The following AGMO variants were observed in gnomAD, a reference collection of about 807,000 sequenced individuals.
AGMO encodes glyceryl-ether monooxygenase.
AGMO carries 75 observed loss-of-function variants against 60.2 expected under a neutral mutation model. That is an observed-to-expected ratio of 1.25 (90% CI 1.03 to 1.51). AGMO has a LOEUF of 1.51. Among genes scored for constraint, AGMO ranks in the 40% most tolerant of loss-of-function variants. The pLI, the probability that AGMO is intolerant of heterozygous loss-of-function variation, is 0.00. For missense variants in AGMO, 763 were observed against 525.5 expected, an observed-to-expected ratio of 1.45 and a Z score of -4.42; for synonymous variants, 261 against 177.1, an observed-to-expected ratio of 1.47 and a Z score of -3.76.
the AGMO span, among the ~76,000 whole-genome samples, chr7:15,177,918 T>G: frequency 6.6e-6 from 1 of 152,160 alleles, no homozygotes; most frequent in South Asian, 2.1e-4. Context: ...CCACCATATG[T>G]CTCTCAATAA....
intron 12 of AGMO, among the ~76,000 whole-genome samples, chr7:15,246,421 G>T (rs1269618285): frequency 6.6e-6 from 1 of 152,010 alleles, no homozygotes; most frequent in Non-Finnish European, 1.5e-5. Context: ...CTCTGATAAG[G>T]TAGATTTTTT....
chr7:15,287,859 C>A (rs895979949), intron 12 of AGMO, among the ~76,000 whole-genome samples: 2 of 151,992 alleles, frequency 1.3e-5, no homozygotes, highest in African/African-American at 4.8e-5. Flanking sequence ...GAATTTTCTC[C>A]AGAATTCTAA....
chr7:15,470,787 T>C (rs1782433593), intron 3 of AGMO, among the ~76,000 whole-genome samples: 1 of 152,056 alleles, frequency 6.6e-6, no homozygotes, highest in Admixed American at 6.6e-5. Flanking sequence ...TAAATTTCAC[T>C]GTTCTTTGTT....
chr7:15,509,859 T>C (rs1375976140), intron 3 of AGMO, among the ~76,000 whole-genome samples: 1 of 152,148 alleles, frequency 6.6e-6, no homozygotes. Flanking sequence ...TGCAATGAGC[T>C]ATCACCTTAC....
intron 3 of AGMO, among the ~76,000 whole-genome samples, chr7:15,476,227 C>T (rs966562842): frequency 3.9e-5 from 6 of 152,042 alleles, no homozygotes; most frequent in South Asian, 2.1e-4. Context: ...ACATTAGAAA[C>T]GGATTGTGGA....
intron 3 of AGMO, among the ~76,000 whole-genome samples, chr7:15,481,134 C>T (rs1048158164): frequency 1.3e-5 from 2 of 151,928 alleles, no homozygotes; most frequent in Admixed American, 1.3e-4. Context: ...TAGATTTTAA[C>T]TTTTTTTACT....
rs546165482 is a variant in AGMO at position 15,445,898 on chromosome 7, G to A, written c.410-14790C>T. On this transcript the variant is annotated intron_variant, in intron 3 of 12. Coordinates refer to ENST00000342526, the MANE Select transcript of AGMO (RefSeq NM_001004320.2). ...CACTCCAAAGATGTGTGGTCCTACT[G>A]TAAACTGGACTTAATCCTATTCCAT... Among the ~76,000 whole-genome samples the A allele has an allele frequency of 1.2e-4, 18 of 152,126 alleles. No homozygotes were observed. In the South Asian group the frequency reaches 3.7e-3, roughly 32 times the overall value.
At chr7:15,419,483 T>A (rs528240698) in intron 4 of AGMO, among the ~76,000 whole-genome samples, 3 of 152,158 alleles carry the variant, frequency 2.0e-5, no homozygotes, top group African/African-American at 7.2e-5. Context: ...TTTATACTTC[T>A]GAAAGACTGG....
At chr7:15,431,213 C>T in intron 3 of AGMO, 105 bp from the exon 4 acceptor site, 1 of 752,976 alleles carries the variant, frequency 1.3e-6, no homozygotes, top group Non-Finnish European at 2.3e-6. Context: ...AAATCTGGAA[C>T]ATCTCTGTAA....
chr7:15,369,021 G>A (rs1303552065), intron 10 of AGMO, among the ~76,000 whole-genome samples: 2 of 152,012 alleles, frequency 1.3e-5, no homozygotes, highest in African/African-American at 2.4e-5. Flanking sequence ...CTTAGAAAAT[G>A]ATACCTCCTA....
In AGMO at chr7:15,404,448, A is replaced by G. The variant is rs892387293; in HGVS notation, c.610-10269T>C. 2.0e-5 allele frequency among the ~76,000 whole-genome samples: 3 copies of G among 152,024 alleles called. No homozygotes were observed. In the East Asian group the frequency reaches 5.8e-4, roughly 29 times the overall value. ...TAAGCATGTTCCCTCAAAGGAGAAT[A>G]AGTTATTTTGTTATTTTTAAACAAC... On this transcript the variant is annotated intron_variant, in intron 5 of 12. Transcript: ENST00000342526.
intron 12 of AGMO, among the ~76,000 whole-genome samples, chr7:15,245,364 A>G (rs1004841711): frequency 1.3e-5 from 2 of 152,158 alleles, no homozygotes; most frequent in African/African-American, 4.8e-5. Context: ...TGCTAAGGAT[A>G]GTCTAAATTA....
chr7:15,322,380 A>G (rs893766718), intron 12 of AGMO, among the ~76,000 whole-genome samples: 1 of 141,632 alleles, frequency 7.1e-6, no homozygotes, highest in Non-Finnish European at 1.5e-5. Context: ...TGAAAAGAAT[A>G]AAATAAGTTA....
At chr7:15,245,984 G>T (rs755413723) in intron 12 of AGMO, among the ~76,000 whole-genome samples, 7 of 152,006 alleles carry the variant, frequency 4.6e-5, no homozygotes, top group Non-Finnish European at 8.8e-5. Flanking sequence ...AAACTGTCCA[G>T]TACGATTAAG....
intron 10 of AGMO, among the ~76,000 whole-genome samples, chr7:15,383,962 G>A (rs1278767394): frequency 1.3e-5 from 2 of 151,742 alleles, no homozygotes; most frequent in East Asian, 1.9e-4. Context: ...TTGAGACTGA[G>A]TCTCGCTCTG....
chr7:15,268,363 G>A (rs532037156), intron 12 of AGMO, among the ~76,000 whole-genome samples: 4 of 151,836 alleles, frequency 2.6e-5, no homozygotes, highest in South Asian at 2.1e-4. Context: ...ACCTCTTCCC[G>A]CATCTCATAC....
rs1783244160 is a variant in AGMO at position 15,496,764 on chromosome 7, T to G, written c.409+48008A>C. 1.3e-5 allele frequency among the ~76,000 whole-genome samples: 2 copies of G among 152,186 alleles called. 1 individual carries two copies. Among genetic ancestry groups the G allele is most frequent in the African/African-American group, 4.8e-5 (2 of 41,444 alleles). Reference sequence around the variant, plus strand: ...GGTTACATACATGTTTTTAAAAATCTTACTTCAATTGGTCAGAAATTGAAT... The same window carrying G: ...GGTTACATACATGTTTTTAAAAATCGTACTTCAATTGGTCAGAAATTGAAT... On this transcript the variant is annotated intron_variant, in intron 3 of 12. Coordinates refer to ENST00000342526, the MANE Select transcript of AGMO (RefSeq NM_001004320.2).
intron 3 of AGMO, among the ~76,000 whole-genome samples, chr7:15,530,611 T>C (rs920627257): frequency 2.3e-5 from 3 of 132,176 alleles, no homozygotes; most frequent in Non-Finnish European, 3.1e-5. Context: ...ATATACGTAT[T>C]TCTATATATA....
intron 10 of AGMO, among the ~76,000 whole-genome samples, chr7:15,384,092 G>A (rs989879139): frequency 6.6e-6 from 1 of 151,990 alleles, no homozygotes; most frequent in African/African-American, 2.4e-5. Flanking sequence ...CCGCCACCAT[G>A]CCTGGCTACT....
Sources: allele counts gnomAD v4.1 joint callset (sites outside exome capture counted in the v4.1 genomes callset), GRCh38; gene constraint gnomAD v4.1.1; transcripts MANE v1.5; gene names NCBI Gene and HGNC (gene_info 2026-07-23, HGNC 2026-07-21).